Variants in PPARA observed in about 807,000 individuals in gnomAD.
The protein encoded by PPARA is peroxisome proliferator-activated receptor alpha.
In PPARA, 22 loss-of-function variants were observed where a neutral mutation model predicts 42.2. That is an observed-to-expected ratio of 0.52 (90% CI 0.37 to 0.74). The LOEUF is 0.74. PPARA is among the 30% of genes least tolerant of loss of function. The pLI is 0.00. For missense variants in PPARA, 465 were observed against 608.2 expected (o/e 0.76, Z 2.48); for synonymous variants, 242 against 239.3 (o/e 1.01, Z -0.10).
At position 46,200,095 on chromosome 22, in the gene PPARA, C is replaced by T. The variant is rs542225618; in HGVS notation, c.208+1504C>T. Among the ~76,000 whole-genome samples the T allele has an allele frequency of 2.6e-5, 4 of 152,314 alleles. No homozygotes were observed. In the East Asian group the frequency reaches 7.7e-4, roughly 29 times the overall value. Reference sequence around the variant, plus strand: ...ACAGACATACACCTATTGCAAAGGGCATCTCAGCTTTAAGGACTCAGTCAC... The same window carrying T: ...ACAGACATACACCTATTGCAAAGGGTATCTCAGCTTTAAGGACTCAGTCAC... On this transcript the variant is annotated intron_variant, in intron 4 of 8. Transcript: ENST00000407236. This position sits in a 1 kb window ranked among gnomAD's most constrained non-coding sequence, Gnocchi z 4.8.
At position 46,235,323 on chromosome 22, in the gene PPARA, G is replaced by A. The variant is rs774928705; in HGVS notation, c.1350G>A (p.Thr450=). The change falls in exon 9 of 9, where the codon ACG becomes ACA. Residue 450 remains threonine, a synonymous_variant. Transcript: ENST00000407236. The surrounding 1 kb of genome is among the most constrained non-coding windows in gnomAD (Gnocchi z 7.0). The part of the protein sequence containing the change: ...HAQLVQIIKK[T]ESDAALHPLL... ...AGCTGGTGCAGATCATCAAGAAGAC[G>A]GAGTCGGATGCTGCGCTGCACCCGC... is the stretch of plus-strand genomic sequence containing the variant. 51 of 1,613,940 alleles carry A rather than the reference G, an allele frequency of 3.2e-5. No homozygotes were observed. Among genetic ancestry groups the A allele is most frequent in the Non-Finnish European group, 3.7e-5 (44 of 1,180,024 alleles).
intron 4 of PPARA, among the ~76,000 whole-genome samples, chr22:46,213,599 T>C (rs1351398805): frequency 1.5e-5 from 2 of 135,178 alleles, no homozygotes; most frequent in Admixed American, 7.0e-5. Flanking sequence ...TTTCTTTTCT[T>C]TTTTTTTTGA....
At position 46,204,688 on chromosome 22, in the gene PPARA, G is replaced by T. The variant is rs1390224573; in HGVS notation, c.208+6097G>T. Among the ~76,000 whole-genome samples the T allele has an allele frequency of 6.6e-6, 1 of 152,002 alleles. No individual in the cohort carries two copies. Among genetic ancestry groups the T allele is most frequent in the African/African-American group, 2.4e-5 (1 of 41,408 alleles). The stretch of plus-strand genomic sequence containing the variant: ...GGTGATATTTCTGTTCAAAGCCTTT[G>T]CTCATTTTTTAATTGAGTTGCTTTT... On this transcript the variant is annotated intron_variant, in intron 4 of 8. Transcript: ENST00000407236. This position sits in a 1 kb window ranked among gnomAD's most constrained non-coding sequence, Gnocchi z 5.2.
In PPARA at chr22:46,204,936, T is replaced by C. The variant is rs949234999; in HGVS notation, c.208+6345T>C. On this transcript the variant is annotated intron_variant, in intron 4 of 8. Coordinates refer to ENST00000407236, the MANE Select transcript of PPARA (RefSeq NM_005036.6). The surrounding 1 kb of genome is among the most constrained non-coding windows in gnomAD (Gnocchi z 5.2). ...AGGCTAGAGTGCAGTGGTGCGATCA[T>C]GGCTTACTGCAGCCTTGACCTCTTG... is the stretch of plus-strand genomic sequence containing the variant. Among the ~76,000 whole-genome samples, 4 of 152,092 alleles carry C rather than the reference T, an allele frequency of 2.6e-5. No individual in the cohort carries two copies. The highest frequency in any genetic ancestry group is 5.9e-5 in the Non-Finnish European group (4 of 68,014).
intron 4 of PPARA, among the ~76,000 whole-genome samples, chr22:46,205,556 T>TATA (rs1569226317): frequency 1.7e-4 from 5 of 29,946 alleles, no homozygotes; most frequent in Admixed American, 3.8e-4. Context: ...ATATATATAT[T>TATA]TTTTTTTTTT....
At position 46,216,395 on chromosome 22, in the gene PPARA, AAAG is replaced by A. The variant is rs1487757354; in HGVS notation, c.369+1064_369+1066del. Among the ~76,000 whole-genome samples the A allele has an allele frequency of 6.6e-6, 1 of 151,106 alleles. No homozygotes were observed. The highest frequency in any genetic ancestry group is 1.5e-5 in the Non-Finnish European group (1 of 67,980). ...TAAAACTTCATCTCAAAAAAAAAAA[AAAG>A]AGAGAAAAGAAAATAAGCCACATTA... On this transcript the variant is annotated intron_variant, in intron 5 of 8. Transcript: ENST00000407236. This position sits in a 1 kb window ranked among gnomAD's most constrained non-coding sequence, Gnocchi z 4.5.
chr22:46,205,645 C>A (rs1054960175), intron 4 of PPARA, among the ~76,000 whole-genome samples: 11 of 134,016 alleles, frequency 8.2e-5, no homozygotes, highest in African/African-American at 2.8e-4. Flanking sequence ...TAGCTCACTG[C>A]AACCTCCTTC....
At position 46,219,960 on chromosome 22, in the gene PPARA, C is replaced by T. The variant is rs747617575; in HGVS notation, c.657C>T (p.Asn219=). 3.3e-5 allele frequency: 54 copies of T among 1,614,088 alleles called. 1 individual carries two copies. Among genetic ancestry groups the T allele is most frequent in the Non-Finnish European group, 4.2e-5 (50 of 1,180,046 alleles). Residue 219 remains asparagine, a synonymous_variant, in exon 7 of 9, where the codon AAC becomes AAT. Coordinates refer to ENST00000407236, the MANE Select transcript of PPARA (RefSeq NM_005036.6). The surrounding 1 kb of genome is among the most constrained non-coding windows in gnomAD (Gnocchi z 4.8). ...RIYEAYLKNF[N]MNKVKARVIL... Reference sequence around the variant, plus strand: ...ACGAGGCCTACTTGAAGAACTTCAACATGAACAAGGTCAAAGCCCGGGTCA... The same window carrying T: ...ACGAGGCCTACTTGAAGAACTTCAATATGAACAAGGTCAAAGCCCGGGTCA...
At chr22:46,157,741 G>T (rs142994841) in intron 2 of PPARA, among the ~76,000 whole-genome samples, 2 of 152,170 alleles carry the variant, frequency 1.3e-5, no homozygotes, top group Non-Finnish European at 2.9e-5. Flanking sequence ...CAAGGTGAGG[G>T]TCCTTCTCCT....
rs1416678471 is a variant in PPARA at position 46,165,599 on chromosome 22, T to G, written c.-126-11154T>G. ...GAAGACCCTGGTAAACATCCCAAAC[T>G]TTGGATTGGGACCCAAAAAAGCTCC... On this transcript the variant is annotated intron_variant, in intron 2 of 8. Coordinates refer to ENST00000407236, the MANE Select transcript of PPARA (RefSeq NM_005036.6). This position sits in a 1 kb window ranked among gnomAD's most constrained non-coding sequence, Gnocchi z 5.5. Among the ~76,000 whole-genome samples, 1 of 152,196 alleles carries G rather than the reference T, an allele frequency of 6.6e-6. No homozygotes were observed. Among genetic ancestry groups the G allele is most frequent in the East Asian group, 1.9e-4 (1 of 5,194 alleles).
rs375136212 is a variant in PPARA at position 46,221,671 on chromosome 22, C to T, written c.711+1657C>T. Among the ~76,000 whole-genome samples, 53 of 152,120 alleles carry T rather than the reference C, an allele frequency of 3.5e-4. No homozygotes were observed. Among genetic ancestry groups the T allele is most frequent in the African/African-American group, 7.5e-4 (31 of 41,500 alleles). Reference sequence around the variant, plus strand: ...AAAATTAGCCGGGCGTGGTGGCGGGCGCCTGTAGTCTCAGCTACTTGGGAA... The same window carrying T: ...AAAATTAGCCGGGCGTGGTGGCGGGTGCCTGTAGTCTCAGCTACTTGGGAA... On this transcript the variant is annotated intron_variant, in intron 7 of 8. Coordinates refer to ENST00000407236, the MANE Select transcript of PPARA (RefSeq NM_005036.6). The surrounding 1 kb of genome is among the most constrained non-coding windows in gnomAD (Gnocchi z 5.9).
In PPARA at chr22:46,222,615, G is replaced by C. The variant is rs1381552877; in HGVS notation, c.711+2601G>C. 6.6e-6 allele frequency among the ~76,000 whole-genome samples: 1 copy of C among 152,200 alleles called. No individual in the cohort carries two copies. The highest frequency in any genetic ancestry group is 1.5e-5 in the Non-Finnish European group (1 of 68,036). On this transcript the variant is annotated intron_variant, in intron 7 of 8. Coordinates refer to ENST00000407236, the MANE Select transcript of PPARA (RefSeq NM_005036.6). The surrounding 1 kb of genome is among the most constrained non-coding windows in gnomAD (Gnocchi z 5.9). The stretch of plus-strand genomic sequence containing the variant: ...ACTTTCCTGGATTACGAGAGTGAAA[G>C]AAAAGGTAACTTTTAGCTTCGAGTC...
chr22:46,220,094 G>A (rs775919502), intron 7 of PPARA, 80 bp downstream of exon 7: 1 of 1,462,566 alleles, frequency 6.8e-7, no homozygotes, highest in Non-Finnish European at 9.5e-7. Context: ...CACATGTGTT[G>A]AATGTTGAGA....
chr22:46,179,601 A>G (rs1270968481), intron 3 of PPARA, among the ~76,000 whole-genome samples: 1 of 152,242 alleles, frequency 6.6e-6, no homozygotes, highest in African/African-American at 2.4e-5. Context: ...ATTTAAAACT[A>G]TAAAACTTCT....
intron 4 of PPARA, among the ~76,000 whole-genome samples, chr22:46,208,273 G>C (rs752746785): frequency 3.3e-4 from 50 of 152,168 alleles, no homozygotes; most frequent in Non-Finnish European, 4.4e-4. Flanking sequence ...TGTAAAGGCT[G>C]CTCCTTGAGG....
Position 46,190,071 on chromosome 22 carries a change from G to A in PPARA, c.-42-8271G>A, listed in dbSNP as rs1945326557. On this transcript the variant is annotated intron_variant, in intron 3 of 8. Coordinates refer to ENST00000407236, the MANE Select transcript of PPARA (RefSeq NM_005036.6). The surrounding 1 kb of genome is among the most constrained non-coding windows in gnomAD (Gnocchi z 5.6). ...AGAGGGCTTTCTAGCTTCTGGGTTTGTTTATTCTGAAATGTTATTTTAAAT... is the reference window on the plus strand; with the variant it reads ...AGAGGGCTTTCTAGCTTCTGGGTTTATTTATTCTGAAATGTTATTTTAAAT... Among the ~76,000 whole-genome samples, 1 of 152,156 alleles carries A rather than the reference G, an allele frequency of 6.6e-6. No individual in the cohort carries two copies. Among genetic ancestry groups the A allele is most frequent in the Non-Finnish European group, 1.5e-5 (1 of 68,022 alleles).
At chr22:46,181,361 C>G (rs945889511) in intron 3 of PPARA, among the ~76,000 whole-genome samples, 18 of 152,096 alleles carry the variant, frequency 1.2e-4, no homozygotes, top group African/African-American at 4.3e-4. Flanking sequence ...CTGACAGGAG[C>G]TGCCCCACAG....
intron 3 of PPARA, among the ~76,000 whole-genome samples, chr22:46,197,607 A>G (rs1932426662): frequency 6.6e-6 from 1 of 152,120 alleles, no homozygotes; most frequent in African/African-American, 2.4e-5. Flanking sequence ...GTTGCATTTA[A>G]AACCAAGCAA....
intron 4 of PPARA, 49 bp downstream of exon 4, chr22:46,198,640 C>G: frequency 2.1e-6 from 3 of 1,431,996 alleles, no homozygotes; most frequent in Non-Finnish European, 2.9e-6. Flanking sequence ...GTTTCTTCCT[C>G]CAAGAAAACT....
Sources: allele counts gnomAD v4.1 joint callset (sites outside exome capture counted in the v4.1 genomes callset), GRCh38; gene constraint gnomAD v4.1.1; non-coding constraint Gnocchi (gnomAD v3.1); transcripts MANE v1.5; gene names NCBI Gene and HGNC (gene_info 2026-07-23, HGNC 2026-07-21).